The following ATG2A variants were observed in gnomAD, a reference collection of about 807,000 sequenced individuals.
The protein encoded by ATG2A is autophagy related 2A.
ATG2A carries 103 observed loss-of-function variants against 214.2 expected under a neutral mutation model. The observed-to-expected ratio is 0.48, with a 90% CI of 0.41 to 0.57. The LOEUF (loss-of-function observed/expected upper bound fraction) is 0.57, where lower values mean the gene tolerates loss of function less well. Ranked by LOEUF, ATG2A falls within the 20% of genes least tolerant of loss-of-function variation. ATG2A has a pLI of 0.00. For missense variants in ATG2A, 2,312 were observed against 2,613.2 expected, an observed-to-expected ratio of 0.88 and a Z score of 2.51; for synonymous variants, 1,160 against 1,142.1, an observed-to-expected ratio of 1.02 and a Z score of -0.32.
intron 39 of ATG2A, 54 bp downstream of exon 39, chr11:64,896,408 A>G: frequency 6.5e-7 from 1 of 1,550,058 alleles, no homozygotes; most frequent in East Asian, 2.4e-5. Flanking sequence ...GCTGTGGTGC[A>G]GAGGGCTCCA....
intron 22 of ATG2A, 127 bp downstream of exon 22, chr11:64,905,986 C>G: frequency 7.2e-7 from 1 of 1,392,848 alleles, no homozygotes; most frequent in Non-Finnish European, 9.8e-7. Flanking sequence ...CCCAGGAGCT[C>G]CGGACAAGGT....
chr11:64,898,897 G>C lies in ATG2A; in HGVS notation c.4465-55C>G. 6.5e-7 allele frequency: 1 copy of C among 1,540,184 alleles called. No individual in the cohort carries two copies. The highest frequency in any genetic ancestry group is 8.8e-7 in the Non-Finnish European group (1 of 1,132,628). On this transcript the variant is annotated intron_variant, in intron 31 of 40. Transcript: ENST00000377264. This position sits in a 1 kb window ranked among gnomAD's most constrained non-coding sequence, Gnocchi z 4.5. ...AAGCAGGGCCCCAAGAGGGAGGGAAGGGCTGGCCCCAGACCCCTTCTCTAT... is the reference window on the plus strand; with the variant it reads ...AAGCAGGGCCCCAAGAGGGAGGGAACGGCTGGCCCCAGACCCCTTCTCTAT...
chr11:64,909,838 G>A lies in ATG2A; in HGVS notation c.1950C>T (p.Ala650=), dbSNP rs200244363. 4.6e-4 allele frequency: 737 copies of A among 1,610,564 alleles called. 2 individuals are homozygous for A. Among genetic ancestry groups the A allele is most frequent in the Admixed American group, 2.1e-3 (128 of 59,954 alleles). The change falls in exon 14 of 41, where the codon GCC becomes GCT. Residue 650 remains alanine (A), a synonymous_variant. Transcript: ENST00000377264. ...RATLRLRFPI[A]DLRPEPDPWA... The stretch of plus-strand genomic sequence containing the variant: ...AGGGGTCCGGCTCAGGCCGCAGGTC[G>A]GCAATGGGGAAGCGCAGCCGCAGCG...
At chr11:64,901,860 A>G in intron 29 of ATG2A, 102 bp downstream of exon 29, 3 of 1,354,254 alleles carry the variant, frequency 2.2e-6, no homozygotes, top group Non-Finnish European at 3.1e-6. Context: ...TTCTCTCACC[A>G]CGGGAGCTCC....
In ATG2A at chr11:64,894,974, C is replaced by T; in HGVS notation, c.5816G>A (p.Ter1939=). 1 of 1,611,406 alleles carries T rather than the reference C, an allele frequency of 6.2e-7. No homozygotes were observed. Among genetic ancestry groups the T allele is most frequent in the Non-Finnish European group, 8.5e-7 (1 of 1,178,454 alleles). ...LKWRSDSAQD[*] is the part of the protein sequence containing the mutation. ...CTCTGGGTGCCGGGCACCCCAGGCTCAGTCTTGGGCACTGTCCGAGCGCCA... is the reference window on the plus strand; with the variant it reads ...CTCTGGGTGCCGGGCACCCCAGGCTTAGTCTTGGGCACTGTCCGAGCGCCA... Residue 1939 remains the stop codon, a stop_retained_variant, in exon 41 of 41, where the codon TGA becomes TAA. Transcript: ENST00000377264.
chr11:64,903,802 G>A lies in ATG2A; in HGVS notation c.3465-142C>T. The A allele has an allele frequency of 1.3e-6, 1 of 763,246 alleles. No homozygotes were observed. Among genetic ancestry groups the A allele is most frequent in the Non-Finnish European group, 2.1e-6 (1 of 486,618 alleles). 47.3% of individuals were successfully genotyped at this position (763,246 alleles called of 1,614,324 possible). A position where few individuals can be genotyped will look rare whatever the true frequency, so the allele number is the denominator to read the frequency against. On this transcript the variant is annotated intron_variant, in intron 24 of 40. Coordinates refer to ENST00000377264, the MANE Select transcript of ATG2A (RefSeq NM_015104.3). The surrounding 1 kb of genome is among the most constrained non-coding windows in gnomAD (Gnocchi z 4.2). The stretch of plus-strand genomic sequence containing the variant: ...TCAGCGTTCCTGCCTGCACAATGGG[G>A]AGAAGGCCCAGACAGCAGGCAGTGG...
At chr11:64,909,621 G>A (rs1350090827) in intron 14 of ATG2A, 60 bp downstream of exon 14, 1 of 1,589,408 alleles carries the variant, frequency 6.3e-7, no homozygotes, top group Non-Finnish European at 8.6e-7. Context: ...ATAGCCCCAA[G>A]CCCATCTCTC....
chr11:64,905,532 G>T, intron 24 of ATG2A, 31 bp downstream of exon 24: 1 of 1,592,016 alleles, frequency 6.3e-7, no homozygotes, highest in Non-Finnish European at 8.6e-7. Context: ...CGGCGAGGGT[G>T]GGATGGCCCA....
At chr11:64,907,006 G>A (rs1040399639) in intron 19 of ATG2A, among the ~76,000 whole-genome samples, 191 bp from the exon 20 acceptor site, 5 of 152,324 alleles carry the variant, frequency 3.3e-5, no homozygotes, top group South Asian at 2.1e-4. Flanking sequence ...GGGTCTGCCC[G>A]CTCGGAGTGG....
In ATG2A at chr11:64,910,139, C is replaced by G. The variant is rs1220636283; in HGVS notation, c.1764G>C (p.Leu588=). The G allele has an allele frequency of 6.2e-7, 1 of 1,611,950 alleles. No individual in the cohort carries two copies. The highest frequency in any genetic ancestry group is 1.1e-5 in the South Asian group (1 of 91,022). The change falls in exon 13 of 41, where the codon CTG becomes CTC. Residue 588 remains leucine (L), a synonymous_variant. Transcript: ENST00000377264. ...CHCHSELALD[L]ANFQADVELG... ...GCTCCACGTCCGCCTGGAAGTTGGC[C>G]AGGTCCAGGGCCAGTTCTGAGTGGC...
Position 64,907,598 on chromosome 11 carries a change from C to T in ATG2A, c.2574G>A (p.Gln858=). Residue 858 remains glutamine, a synonymous_variant, in exon 18 of 41, where the codon CAG becomes CAA. Transcript: ENST00000377264. Reference sequence around the variant, plus strand: ...CTGAGGGGCCGGGGAAGCCCGAGGGCTGGGCGGCGGGGTCGGGGGTGGGAA... The same window carrying T: ...CTGAGGGGCCGGGGAAGCCCGAGGGTTGGGCGGCGGGGTCGGGGGTGGGAA... ...DLLPTPDPAA[Q]PSGFPGPSGF... The T allele has an allele frequency of 6.3e-7, 1 of 1,598,924 alleles. No individual in the cohort carries two copies. Among genetic ancestry groups the T allele is most frequent in the Non-Finnish European group, 8.5e-7 (1 of 1,173,374 alleles).
At chr11:64,910,595 G>T in intron 12 of ATG2A, 21 bp downstream of exon 12, 1 of 1,580,310 alleles carries the variant, frequency 6.3e-7, no homozygotes. Flanking sequence ...ACAGCCTGGT[G>T]GCCTGGAGCG....
chr11:64,912,560 AC>A, intron 6 of ATG2A, 137 bp from the exon 7 acceptor site: 1 of 685,744 alleles, frequency 1.5e-6, no homozygotes. Flanking sequence ...AGCTCTATGA[AC>A]CAGGCCACAA....
intron 7 of ATG2A, 21 bp from the exon 8 acceptor site, chr11:64,912,270 G>A: frequency 6.2e-7 from 1 of 1,610,030 alleles, no homozygotes; most frequent in Non-Finnish European, 8.5e-7. Context: ...GGAGACTTCA[G>A]TCTGGGCTGG....
Position 64,895,522 on chromosome 11 carries a change from C to T in ATG2A, c.5428-80G>A. ...CCAGGCCCCCAGGACAGTCTGAGAC[C>T]CCACCAGCCCTCAGCCTCCCTGCCT... On this transcript the variant is annotated intron_variant, in intron 39 of 40. Coordinates refer to ENST00000377264, the MANE Select transcript of ATG2A (RefSeq NM_015104.3). The surrounding 1 kb of genome is among the most constrained non-coding windows in gnomAD (Gnocchi z 5.0). 3.5e-6 allele frequency: 5 copies of T among 1,415,974 alleles called. No individual in the cohort carries two copies. The highest frequency in any genetic ancestry group is 2.5e-5 in the East Asian group (1 of 39,820). The allele number at this position is 1,415,974 out of a possible 1,614,324, so 87.7% of individuals were successfully genotyped here.
At position 64,894,962 on chromosome 11, in the gene ATG2A, G is replaced by A. The variant is rs776484999; in HGVS notation, c.*11C>T. On this transcript the variant is annotated 3_prime_UTR_variant, in exon 41 of 41. Coordinates refer to ENST00000377264, the MANE Select transcript of ATG2A (RefSeq NM_015104.3). Reference sequence around the variant, plus strand: ...GTGGGCAGCACCCTCTGGGTGCCGGGCACCCCAGGCTCAGTCTTGGGCACT... The same window carrying A: ...GTGGGCAGCACCCTCTGGGTGCCGGACACCCCAGGCTCAGTCTTGGGCACT... 1 of 1,611,060 alleles carries A rather than the reference G, an allele frequency of 6.2e-7. No individual in the cohort carries two copies. Among genetic ancestry groups the A allele is most frequent in the Non-Finnish European group, 8.5e-7 (1 of 1,178,638 alleles).
In ATG2A at chr11:64,912,106, G is replaced by C. The variant is rs1281763935; in HGVS notation, c.1066C>G (p.Leu356Val). ...CCACCAGTGTTATCCAGGTTGAGAA[G>C]GGGGTTGGTAAGGGGGTCTGGGCTG... is the stretch of plus-strand genomic sequence containing the variant. ...PLSPDPLTNP[L>V]LNLDNTDLFF... Residue 356 changes from leucine (L) to valine (V), a missense_variant, in exon 8 of 41, where the codon CTT becomes GTT. By Grantham distance (32) the Leu-to-Val change is conservative. Transcript: ENST00000377264. The C allele has an allele frequency of 1.2e-6, 2 of 1,613,624 alleles. No individual in the cohort carries two copies. Among genetic ancestry groups the C allele is most frequent in the Non-Finnish European group, 1.7e-6 (2 of 1,179,696 alleles).
chr11:64,910,075 C>A lies in ATG2A; in HGVS notation c.1828G>T (p.Ala610Ser). The change falls in exon 13 of 41, where the codon GCC becomes TCC. Residue 610 changes from alanine (A) to serine (S), a missense_variant. Physicochemically the swap from Ala to Ser is moderately conservative, Grantham distance 99 (BLOSUM62 1). Coordinates refer to ENST00000377264, the MANE Select transcript of ATG2A (RefSeq NM_015104.3). ...GCTGGAGGCTCAGCAGGTACGGTGG[C>A]CAGGCGCAGTAGGGCGGCCAGCCGG... ...LDRLAALLRL[A>S]TVPAEPPAGL... 6.2e-7 allele frequency: 1 copy of A among 1,604,162 alleles called. No homozygotes were observed. The highest frequency in any genetic ancestry group is 8.5e-7 in the Non-Finnish European group (1 of 1,176,654).
At chr11:64,906,634 C>T (rs758690832) in intron 20 of ATG2A, 31 bp downstream of exon 20, 7 of 1,612,398 alleles carry the variant, frequency 4.3e-6, no homozygotes, top group Non-Finnish European at 8.5e-7. Flanking sequence ...AACCCTGGAC[C>T]CCAGTGGTGA....
Sources: allele counts gnomAD v4.1 joint callset (sites outside exome capture counted in the v4.1 genomes callset), GRCh38; gene constraint gnomAD v4.1.1; non-coding constraint Gnocchi (gnomAD v3.1); transcripts MANE v1.5; gene names NCBI Gene and HGNC (gene_info 2026-07-23, HGNC 2026-07-21).